TAF4: variants seen among roughly 807,000 people sequenced by gnomAD.
TAF4 encodes TATA-box binding protein associated factor 4.
TAF4 carries 9 observed loss-of-function variants against 90.3 expected under a neutral mutation model. The ratio of observed to expected loss-of-function variants is 0.10; its 90% CI spans 0.06 to 0.17. The LOEUF is 0.17. Among genes scored for constraint, TAF4 ranks in the 10% least tolerant of loss-of-function variants. The probability of loss-of-function intolerance (pLI) is 1.00; values close to 1 mark genes in which losing one functional copy is unlikely to be tolerated. For missense variants in TAF4, 1,351 were observed against 1,370.7 expected, an observed-to-expected ratio of 0.99 and a Z score of 0.23; for synonymous variants, 818 against 638.9, an observed-to-expected ratio of 1.28 and a Z score of -4.23.
intron 14 of TAF4, among the ~76,000 whole-genome samples, chr20:61,994,952 A>T (rs1324104684): frequency 3.3e-5 from 5 of 152,224 alleles, no homozygotes; most frequent in Non-Finnish European, 7.3e-5. Flanking sequence ...AGCAAAGCCT[A>T]AAGCCAAACC....
intron 1 of TAF4, among the ~76,000 whole-genome samples, chr20:62,030,677 G>C (rs2055899846): frequency 6.6e-6 from 1 of 152,184 alleles, no homozygotes. Flanking sequence ...AACATGCTTA[G>C]AGTAATAATT....
At chr20:62,013,152 G>C (rs1162125427) in intron 2 of TAF4, among the ~76,000 whole-genome samples, 1 of 152,174 alleles carries the variant, frequency 6.6e-6, no homozygotes, top group Non-Finnish European at 1.5e-5. Flanking sequence ...CATATCATTA[G>C]GCTTCTTAAC....
At chr20:62,029,691 A>G (rs929096403) in intron 1 of TAF4, among the ~76,000 whole-genome samples, 10 of 152,100 alleles carry the variant, frequency 6.6e-5, no homozygotes, top group Admixed American at 5.2e-4. Context: ...GCGGATCACG[A>G]GGTCAGGAGA....
chr20:62,045,348 C>T (rs995083037), intron 1 of TAF4, among the ~76,000 whole-genome samples: 1 of 152,228 alleles, frequency 6.6e-6, no homozygotes, highest in African/African-American at 2.4e-5. Flanking sequence ...CCTCTCTACC[C>T]TTGACTCGCT....
intron 1 of TAF4, among the ~76,000 whole-genome samples, chr20:62,031,451 T>C (rs1384661531): frequency 6.6e-6 from 1 of 152,226 alleles, no homozygotes; most frequent in African/African-American, 2.4e-5. Context: ...CTAAAAATCC[T>C]GCACTAACAG....
intron 14 of TAF4, 141 bp downstream of exon 14, chr20:61,997,409 C>T: frequency 8.9e-7 from 1 of 1,119,698 alleles, no homozygotes. Context: ...AAACGTAAAA[C>T]AAATACTCCA....
At chr20:61,997,451 A>G in intron 14 of TAF4, 99 bp downstream of exon 14, 1 of 1,318,038 alleles carries the variant, frequency 7.6e-7, no homozygotes, top group Non-Finnish European at 9.8e-7. Context: ...AATGGTAAGA[A>G]AGCAAATTCC....
intron 2 of TAF4, 136 bp downstream of exon 2, chr20:62,014,401 TGGGACGGATG>T (rs1481120937): frequency 9.2e-7 from 1 of 1,086,622 alleles, no homozygotes; most frequent in African/African-American, 1.6e-5. Context: ...CCATCCTAGA[TGGGACGGATG>T]GGACTGGGAC....
chr20:62,003,331 G>T, intron 8 of TAF4, 57 bp from the exon 9 acceptor site: 1 of 1,409,514 alleles, frequency 7.1e-7, no homozygotes, highest in Non-Finnish European at 1.0e-6. Flanking sequence ...TCAACTATGT[G>T]CTTTGGTGCT....
intron 1 of TAF4, among the ~76,000 whole-genome samples, chr20:62,053,357 C>T (rs566941125): frequency 2.6e-5 from 4 of 152,224 alleles, no homozygotes; most frequent in African/African-American, 7.2e-5. Flanking sequence ...CGCCCTCGCA[C>T]TGCCCTGTGA....
intron 1 of TAF4, among the ~76,000 whole-genome samples, chr20:62,023,213 G>A (rs1266704405): frequency 2.0e-5 from 3 of 152,180 alleles, no homozygotes; most frequent in Non-Finnish European, 2.9e-5. Flanking sequence ...AGGCCAAGGC[G>A]GGCAGATCAT....
rs772989207 is a variant in TAF4, at chr20:62,006,717, C to T, written c.2016G>A (p.Ala672=). 9 of 1,566,952 alleles carry T rather than the reference C, an allele frequency of 5.7e-6. No individual in the cohort carries two copies. Among genetic ancestry groups the T allele is most frequent in the Middle Eastern group, 1.7e-4 (1 of 5,898 alleles). The part of the protein sequence containing the change: ...PALRQLTPDS[A]AFIQQSQQQP... The stretch of plus-strand genomic sequence containing the variant: ...GCTGCTGGCTCTGCTGGATGAAGGC[C>T]GCGGAGTCGGGGGTCAGCTGTCTCA... The change falls in exon 7 of 15, where the codon GCG becomes GCA. Residue 672 remains alanine, a synonymous_variant. Transcript: ENST00000252996. The surrounding 1 kb of genome is among the most constrained non-coding windows in gnomAD (Gnocchi z 7.0).
intron 6 of TAF4, chr20:62,007,017 T>C (rs2055750505): frequency 2.5e-6 from 1 of 398,464 alleles, no homozygotes. Flanking sequence ...TAAAAAACTT[T>C]TTAAAATATG....
intron 2 of TAF4, among the ~76,000 whole-genome samples, chr20:62,013,590 T>C (rs1187898236): frequency 3.3e-5 from 5 of 152,194 alleles, no homozygotes; most frequent in African/African-American, 1.2e-4. Flanking sequence ...TCCGTCCACG[T>C]CCCTGTCTAT....
At chr20:62,056,838 T>C (rs2056067269) in intron 1 of TAF4, among the ~76,000 whole-genome samples, 3 of 152,174 alleles carry the variant, frequency 2.0e-5, no homozygotes, top group East Asian at 1.9e-4. Context: ...AAAAATCATG[T>C]TGAAGTAACT....
rs147415036 is a variant in TAF4, at chr20:62,053,823, G to A, written c.1360+10628C>T. Among the ~76,000 whole-genome samples, 8 of 152,350 alleles carry A rather than the reference G, an allele frequency of 5.3e-5. No individual in the cohort carries two copies. The East Asian group carries it at 1.4e-3, about 26-fold the overall frequency. On this transcript the variant is annotated intron_variant, in intron 1 of 14. Transcript: ENST00000252996. ...ACACAGACAATGACCAAGTCTTCTC[G>A]GCTGAAACTAGGGAGAGGCCTGCAT...
At chr20:62,002,150 C>T (rs765638030) in intron 9 of TAF4, among the ~76,000 whole-genome samples, 1 of 152,216 alleles carries the variant, frequency 6.6e-6, no homozygotes, top group Non-Finnish European at 1.5e-5. Context: ...TTGATTAATT[C>T]TTTCACCCGT....
At chr20:61,997,723 A>G (rs571135098) in intron 13 of TAF4, 54 bp from the exon 14 acceptor site, 2 of 1,560,818 alleles carry the variant, frequency 1.3e-6, no homozygotes, top group East Asian at 4.6e-5. Context: ...TTTTTTACTT[A>G]CTACAAAAGT....
At chr20:62,007,711 G>T in intron 5 of TAF4, 75 bp from the exon 6 acceptor site, 3 of 1,412,150 alleles carry the variant, frequency 2.1e-6, no homozygotes, top group Non-Finnish European at 2.9e-6. Context: ...CATCACTCTG[G>T]TCTCGTATTT....
Sources: allele counts gnomAD v4.1 joint callset (sites outside exome capture counted in the v4.1 genomes callset), GRCh38; gene constraint gnomAD v4.1.1; non-coding constraint Gnocchi (gnomAD v3.1); transcripts MANE v1.5; gene names NCBI Gene and HGNC (gene_info 2026-07-23, HGNC 2026-07-21).